Variants in TACR3 observed in about 807,000 individuals in gnomAD.
TACR3 encodes the protein neuromedin-K receptor.
Under a neutral mutation model 35.0 loss-of-function variants are expected in TACR3, and 34 were observed. That is an observed-to-expected ratio of 0.97 (90% CI 0.74 to 1.30). The LOEUF is 1.30. TACR3 is among the 50% of genes most tolerant of loss of function. The pLI, the probability that TACR3 is intolerant of heterozygous loss-of-function variation, is 0.00. For missense variants in TACR3, 558 were observed against 591.7 expected (o/e 0.94, Z 0.59); for synonymous variants, 233 against 221.1 (o/e 1.05, Z -0.48).
intron 1 of TACR3, among the ~76,000 whole-genome samples, chr4:103,703,855 C>A (rs1052979962): frequency 6.6e-6 from 1 of 152,026 alleles, no homozygotes. Flanking sequence ...AATCCCAGCA[C>A]TTTGGGAGGC....
At chr4:103,704,039 G>A (rs1722726697) in intron 1 of TACR3, among the ~76,000 whole-genome samples, 1 of 142,314 alleles carries the variant, frequency 7.0e-6, no homozygotes, top group Non-Finnish European at 1.5e-5. Flanking sequence ...GGCAGGCGGA[G>A]CTTGCAGTGA....
intron 1 of TACR3, among the ~76,000 whole-genome samples, chr4:103,699,361 G>A (rs891500988): frequency 2.6e-5 from 4 of 152,114 alleles, no homozygotes; most frequent in African/African-American, 9.7e-5. Context: ...AGCACAGTGG[G>A]GAAGTGGTAG....
intron 3 of TACR3, among the ~76,000 whole-genome samples, chr4:103,597,466 T>A (rs1232058013): frequency 1.3e-5 from 2 of 152,110 alleles, no homozygotes; most frequent in Non-Finnish European, 2.9e-5. Context: ...AATTTTATTA[T>A]TATTATACTT....
intron 1 of TACR3, among the ~76,000 whole-genome samples, chr4:103,659,104 C>T (rs1464790641): frequency 6.6e-6 from 1 of 152,094 alleles, no homozygotes; most frequent in Non-Finnish European, 1.5e-5. Context: ...GGAGCTCAGG[C>T]AGTAATGCAG....
chr4:103,654,152 A>T (rs1725681146), intron 3 of TACR3, among the ~76,000 whole-genome samples: 1 of 151,526 alleles, frequency 6.6e-6, no homozygotes, highest in Admixed American at 6.6e-5. Context: ...TTCCTCAGGG[A>T]TCTAGAACTA....
chr4:103,607,633 G>A (rs1578224343), intron 3 of TACR3, among the ~76,000 whole-genome samples: 1 of 152,004 alleles, frequency 6.6e-6, no homozygotes, highest in East Asian at 1.9e-4. Flanking sequence ...TTAATCTATT[G>A]TATACTTAGA....
At chr4:103,667,212 C>T (rs1434717023) in intron 1 of TACR3, among the ~76,000 whole-genome samples, 4 of 152,038 alleles carry the variant, frequency 2.6e-5, no homozygotes, top group African/African-American at 4.8e-5. Flanking sequence ...GAGTCAAGAT[C>T]GCGCCATTGC....
chr4:103,634,129 G>A (rs1725128353), intron 3 of TACR3, among the ~76,000 whole-genome samples: 2 of 152,074 alleles, frequency 1.3e-5, no homozygotes, highest in Non-Finnish European at 2.9e-5. Context: ...AAAAACCACT[G>A]CATGAACTGT....
In TACR3 at chr4:103,586,677, T is replaced by G. The variant is rs6533099; in HGVS notation, c.*3005A>C. 6.6e-6 allele frequency: 1 copy of G among 151,512 alleles called. No homozygotes were observed. The highest frequency in any genetic ancestry group is 6.6e-5 in the Admixed American group (1 of 15,164). 9.4% of individuals were successfully genotyped at this position (151,512 alleles called of 1,614,324 possible). On this transcript the variant is annotated 3_prime_UTR_variant, in exon 5 of 5. Transcript: ENST00000304883. ...CATTGGCAGGATTTGGAAAAGGACA[T>G]GAATTCAGCTGCTGGGTCAGAAATG...
intron 3 of TACR3, among the ~76,000 whole-genome samples, chr4:103,605,383 G>C (rs1224034163): frequency 2.2e-5 from 2 of 92,154 alleles, no homozygotes; most frequent in African/African-American, 6.8e-5. Flanking sequence ...TCTAGTTCTA[G>C]ATCCCTGAGG....
chr4:103,600,622 C>G (rs1724173421), intron 3 of TACR3, among the ~76,000 whole-genome samples: 1 of 152,168 alleles, frequency 6.6e-6, no homozygotes. Context: ...CCTCTGCACA[C>G]TGCTTTGAAT....
At chr4:103,659,802 C>T (rs1725801394) in intron 1 of TACR3, among the ~76,000 whole-genome samples, 1 of 152,050 alleles carries the variant, frequency 6.6e-6, no homozygotes, top group African/African-American at 2.4e-5. Context: ...AACAATATAG[C>T]TGAAAGAAGC....
intron 3 of TACR3, among the ~76,000 whole-genome samples, chr4:103,634,011 A>G (rs1178874453): frequency 2.6e-5 from 4 of 152,128 alleles, no homozygotes; most frequent in African/African-American, 9.7e-5. Context: ...AAAGGTCGGA[A>G]GCTAAAAGAT....
intron 3 of TACR3, among the ~76,000 whole-genome samples, chr4:103,612,906 A>G (rs896707376): frequency 1.3e-5 from 2 of 152,210 alleles, no homozygotes; most frequent in Admixed American, 6.5e-5. Context: ...ATAAATGAAT[A>G]TATAAATAGA....
intron 1 of TACR3, among the ~76,000 whole-genome samples, chr4:103,673,849 T>C (rs767274918): frequency 1.2e-4 from 19 of 152,240 alleles, no homozygotes; most frequent in Non-Finnish European, 2.1e-4. Context: ...CAATGCTTTA[T>C]AGAGATAACA....
chr4:103,642,329 ATTAT>A (rs1331311988), intron 3 of TACR3, among the ~76,000 whole-genome samples: 16 of 148,162 alleles, frequency 1.1e-4, no homozygotes, highest in Non-Finnish European at 2.0e-4. Context: ...GAATACAATT[ATTAT>A]TTGTCAATTA....
intron 3 of TACR3, among the ~76,000 whole-genome samples, chr4:103,640,337 TG>T (rs1216026771): frequency 6.6e-6 from 1 of 152,064 alleles, no homozygotes. Flanking sequence ...ATCTTACTTG[TG>T]GCAAAATTCA....
At chr4:103,641,882 C>G (rs1725363440) in intron 3 of TACR3, among the ~76,000 whole-genome samples, 1 of 151,728 alleles carries the variant, frequency 6.6e-6, no homozygotes, top group African/African-American at 2.4e-5. Context: ...CACAGAAAGG[C>G]AAATACTTCA....
chr4:103,673,444 A>G (rs1050691099), intron 1 of TACR3, among the ~76,000 whole-genome samples: 1 of 152,138 alleles, frequency 6.6e-6, no homozygotes, highest in Non-Finnish European at 1.5e-5. Context: ...AGGGAGTCTC[A>G]AGGAGAGGAA....
Sources: gnomAD v4.1 joint callset for allele counts (sites outside exome capture counted in the v4.1 genomes callset) on GRCh38, gnomAD v4.1.1 for gene constraint, MANE v1.5 for transcripts, NCBI Gene and HGNC (gene_info 2026-07-23, HGNC 2026-07-21) for gene names.